Variants in GRM1 observed in about 807,000 individuals in gnomAD.
GRM1 encodes the protein glutamate metabotropic receptor 1, also known as metabotropic glutamate receptor 1.
In GRM1, 33 loss-of-function variants were observed where a neutral mutation model predicts 90.9. The observed-to-expected ratio is 0.36, with a 90% CI of 0.28 to 0.49. The LOEUF is 0.49. Among genes scored for constraint, GRM1 ranks in the 20% least tolerant of loss-of-function variants. The pLI, the probability that GRM1 is intolerant of heterozygous loss-of-function variation, is 0.99. For missense variants in GRM1, 1,190 were observed against 1,534.3 expected, an observed-to-expected ratio of 0.78 and a Z score of 3.75; for synonymous variants, 700 against 613.2, an observed-to-expected ratio of 1.14 and a Z score of -2.09.
chr6:146,420,354 G>A (rs913181665), intron 7 of GRM1, among the ~76,000 whole-genome samples: 4 of 152,192 alleles, frequency 2.6e-5, no homozygotes, highest in African/African-American at 9.6e-5. Context: ...AGCAGGGAAC[G>A]TAAAGAAAGA....
At chr6:146,292,727 CAT>C (rs1783031680) in intron 2 of GRM1, among the ~76,000 whole-genome samples, 1 of 151,826 alleles carries the variant, frequency 6.6e-6, no homozygotes, top group Admixed American at 6.6e-5. Context: ...AAAAGCTAAA[CAT>C]AGAATTACCA....
rs1057318513 is a variant in GRM1 at position 146,282,396 on chromosome 6, G to A, written c.951-22215G>A. ...TATTGTATGTCTGACCAGATGGTAG[G>A]AACCTGTTTGGGTCACTGCTTCATA... On this transcript the variant is annotated intron_variant, in intron 2 of 7. Transcript: ENST00000282753. 5.9e-5 allele frequency among the ~76,000 whole-genome samples: 9 copies of A among 152,130 alleles called. No homozygotes were observed. In the South Asian group the frequency reaches 1.9e-3, roughly 32 times the overall value.
intron 5 of GRM1, among the ~76,000 whole-genome samples, chr6:146,378,439 G>A (rs1041883705): frequency 6.6e-6 from 1 of 152,196 alleles, no homozygotes; most frequent in Non-Finnish European, 1.5e-5. Context: ...CCCACCTCTT[G>A]CATCAGCAAG....
In GRM1 at chr6:146,345,777, C is replaced by T. The variant is rs557095362; in HGVS notation, c.1187-6473C>T. 2.6e-4 allele frequency among the ~76,000 whole-genome samples: 40 copies of T among 152,244 alleles called. No individual in the cohort carries two copies. The South Asian group carries it at 8.1e-3, about 31-fold the overall frequency. On this transcript the variant is annotated intron_variant, in intron 3 of 7. Transcript: ENST00000282753. Reference sequence around the variant, plus strand: ...GGAATAGGCTTGGCAAGGATTCTGACCCAGCAGGTTGTTGAGTAAGGAATT... The same window carrying T: ...GGAATAGGCTTGGCAAGGATTCTGATCCAGCAGGTTGTTGAGTAAGGAATT...
chr6:146,352,565 G>T, intron 4 of GRM1, 69 bp downstream of exon 4: 2 of 1,492,158 alleles, frequency 1.3e-6, no homozygotes, highest in Non-Finnish European at 1.9e-6. Context: ...GGCAACTGTG[G>T]CTTCATCTGG....
In GRM1 at chr6:146,032,200, G is replaced by T. The variant is rs185532948; in HGVS notation, c.700+1983G>T. On this transcript the variant is annotated intron_variant, in intron 1 of 7. Coordinates refer to ENST00000282753, the MANE Select transcript of GRM1 (RefSeq NM_001278064.2). ...TCCTTTCTGCCTTCTGATTGGTGTT[G>T]TATGGCAAAGACAATGTCTCCGTAC... 9.7e-4 allele frequency among the ~76,000 whole-genome samples: 148 copies of T among 152,190 alleles called. 1 individual carries two copies. In the East Asian group the frequency reaches 0.013, roughly 13 times the overall value.
intron 3 of GRM1, among the ~76,000 whole-genome samples, chr6:146,313,579 C>A (rs1783848415): frequency 6.6e-6 from 1 of 152,120 alleles, no homozygotes; most frequent in Non-Finnish European, 1.5e-5. Context: ...TGGGAAAATT[C>A]ATATAAAATA....
At chr6:146,088,554 A>G (rs1052038681) in intron 1 of GRM1, among the ~76,000 whole-genome samples, 1 of 152,100 alleles carries the variant, frequency 6.6e-6, no homozygotes, top group African/African-American at 2.4e-5. Context: ...CAAAGATGCT[A>G]ATGGAAATTC....
chr6:146,236,732 T>A (rs1251570719), intron 2 of GRM1, among the ~76,000 whole-genome samples: 1 of 152,170 alleles, frequency 6.6e-6, no homozygotes, highest in African/African-American at 2.4e-5. Context: ...TTTCTTCATT[T>A]TCCAGAGTCT....
chr6:146,416,372 T>C (rs1200651900), intron 7 of GRM1, among the ~76,000 whole-genome samples: 1 of 152,142 alleles, frequency 6.6e-6, no homozygotes, highest in Non-Finnish European at 1.5e-5. Context: ...TGTATTAGTT[T>C]GTTAGCTCTA....
At chr6:146,370,497 T>C (rs542184489) in intron 5 of GRM1, among the ~76,000 whole-genome samples, 1 of 152,230 alleles carries the variant, frequency 6.6e-6, no homozygotes, top group Admixed American at 6.6e-5. Flanking sequence ...TCATTGGCAT[T>C]TTATTTCCCC....
chr6:146,268,959 C>T (rs1299478479), intron 2 of GRM1, among the ~76,000 whole-genome samples: 1 of 152,182 alleles, frequency 6.6e-6, no homozygotes. Context: ...TTACAGCCAA[C>T]TGATTTTTGA....
Position 146,269,003 on chromosome 6 carries a change from C to T in GRM1, c.951-35608C>T, listed in dbSNP as rs78808893. The stretch of plus-strand genomic sequence containing the variant: ...CCAAGAACATTGAATAGAAAAAGAA[C>T]AGCCTCTTCATCAGAGTTCTAATTT... On this transcript the variant is annotated intron_variant, in intron 2 of 7. Transcript: ENST00000282753. 2.2e-3 allele frequency among the ~76,000 whole-genome samples: 340 copies of T among 152,278 alleles called. 8 individuals are homozygous for T. The East Asian group carries it at 0.041, about 18-fold the overall frequency.
At chr6:146,262,796 A>G (rs1035776843) in intron 2 of GRM1, among the ~76,000 whole-genome samples, 1 of 151,940 alleles carries the variant, frequency 6.6e-6, no homozygotes, top group African/African-American at 2.4e-5. Context: ...GTATATTGAT[A>G]AATATTTGTT....
chr6:146,277,264 T>G (rs1213163786), intron 2 of GRM1, among the ~76,000 whole-genome samples: 1 of 152,212 alleles, frequency 6.6e-6, no homozygotes, highest in African/African-American at 2.4e-5. Context: ...GCTCAAACCC[T>G]GCAGACTCCT....
upstream of GRM1, among the ~76,000 whole-genome samples, chr6:146,028,732 A>G (rs1224534449): frequency 6.6e-6 from 1 of 152,130 alleles, no homozygotes; most frequent in Non-Finnish European, 1.5e-5. Flanking sequence ...CAACCCCTCA[A>G]AATTAAAGTA....
rs574099026 is a variant in GRM1, at chr6:146,347,509, A to C, written c.1187-4741A>C. Among the ~76,000 whole-genome samples the C allele has an allele frequency of 3.2e-3, 488 of 152,366 alleles. 2 individuals are homozygous for C. The highest frequency in any genetic ancestry group is 5.6e-3 in the Non-Finnish European group (379 of 68,038). On this transcript the variant is annotated intron_variant, in intron 3 of 7. Coordinates refer to ENST00000282753, the MANE Select transcript of GRM1 (RefSeq NM_001278064.2). ...TACATTTAGCAAGCTTGCAGGATACAAAGTTAGTATGCAAATATCACCAGT... is the reference window on the plus strand; with the variant it reads ...TACATTTAGCAAGCTTGCAGGATACCAAGTTAGTATGCAAATATCACCAGT...
chr6:146,154,083 C>A (rs938355050), intron 1 of GRM1, among the ~76,000 whole-genome samples: 1 of 152,116 alleles, frequency 6.6e-6, no homozygotes, highest in Non-Finnish European at 1.5e-5. Flanking sequence ...GCCTAAGGGT[C>A]TTTATTAGGT....
intron 1 of GRM1, among the ~76,000 whole-genome samples, chr6:146,130,497 A>G (rs1275157535): frequency 2.6e-5 from 4 of 152,126 alleles, no homozygotes. Context: ...GTTTTTATTT[A>G]AAGTACCATG....
Sources: allele counts gnomAD v4.1 joint callset (sites outside exome capture counted in the v4.1 genomes callset), GRCh38; gene constraint gnomAD v4.1.1; transcripts MANE v1.5; gene names NCBI Gene and HGNC (gene_info 2026-07-23, HGNC 2026-07-21).